Variants in TMEM165 observed in about 807,000 individuals in gnomAD.
TMEM165 encodes putative divalent cation/proton antiporter TMEM165.
A neutral mutation model predicts 30.0 loss-of-function variants in TMEM165; 19 were observed. That is an observed-to-expected ratio of 0.63 (90% confidence interval 0.44 to 0.93). The LOEUF (loss-of-function observed/expected upper bound fraction) is 0.93, where lower values mean the gene tolerates loss of function less well. TMEM165 is among the 40% of genes least tolerant of loss of function. The probability of loss-of-function intolerance (pLI) is 0.00; values close to 1 mark genes in which losing one functional copy is unlikely to be tolerated. For synonymous variants in TMEM165, 168 were observed against 162.9 expected (o/e 1.03, Z -0.24); for missense variants, 340 against 417.0 (o/e 0.82, Z 1.61).
chr4:55,448,799 T>C (rs747152852), intron 3 of TMEM165: 20 of 1,613,816 alleles, frequency 1.2e-5, no homozygotes, highest in African/African-American at 2.7e-5. Flanking sequence ...CCTTGTGGAA[T>C]TGGTAAATTT....
rs924305792 is a variant in TMEM165 at position 55,411,859 on chromosome 4, T to G, written c.433+20T>G. ...TGTCAGGTGAGTGTGCTTTTCCCTCTCATGAGTTCGCTGAATTAAAGGGAA... is the reference window on the plus strand; with the variant it reads ...TGTCAGGTGAGTGTGCTTTTCCCTCGCATGAGTTCGCTGAATTAAAGGGAA... On this transcript the variant is annotated intron_variant, in intron 2 of 5. Coordinates refer to ENST00000381334, the MANE Select transcript of TMEM165 (RefSeq NM_018475.5). 3.0e-5 allele frequency: 49 copies of G among 1,609,816 alleles called. No individual in the cohort carries two copies. Among genetic ancestry groups the G allele is most frequent in the Non-Finnish European group, 4.0e-5 (47 of 1,176,274 alleles).
At chr4:55,401,962 C>T (rs1406235357) in intron 1 of TMEM165, among the ~76,000 whole-genome samples, 1 of 149,138 alleles carries the variant, frequency 6.7e-6, no homozygotes, top group Admixed American at 6.6e-5. Context: ...ACTGAAAATA[C>T]AAAAAATTAG....
intron 1 of TMEM165, among the ~76,000 whole-genome samples, chr4:55,400,328 T>C (rs1720934487): frequency 1.3e-5 from 1 of 77,656 alleles, no homozygotes; most frequent in African/African-American, 4.6e-5. Flanking sequence ...CTGTATTATA[T>C]ATAATATAAT....
intron 3 of TMEM165, among the ~76,000 whole-genome samples, chr4:55,436,761 G>C (rs1030952505): frequency 5.9e-5 from 9 of 152,130 alleles, no homozygotes; most frequent in African/African-American, 2.2e-4. Flanking sequence ...ATTACAACAG[G>C]AGCATGTTTT....
At chr4:55,408,765 A>C (rs1338538246) in intron 1 of TMEM165, among the ~76,000 whole-genome samples, 3 of 152,136 alleles carry the variant, frequency 2.0e-5, no homozygotes, top group Non-Finnish European at 4.4e-5. Context: ...TAAAAAGTAA[A>C]CATTTTGTGT....
Position 55,425,509 on chromosome 4 carries a change from A to ATAGTGTAC in TMEM165, c.*58_*65dup. Reference sequence around the variant, plus strand: ...AATAGGTAGTATTATCTTTCTGTACATAGTGTACATTACAACTAAAAGTGA... The same window carrying ATAGTGTAC: ...AATAGGTAGTATTATCTTTCTGTACATAGTGTACTAGTGTACATTACAACTAAAAGTGA... On this transcript the variant is annotated 3_prime_UTR_variant, in exon 6 of 6. Coordinates refer to ENST00000381334, the MANE Select transcript of TMEM165 (RefSeq NM_018475.5). 1.5e-6 allele frequency: 2 copies of ATAGTGTAC among 1,335,598 alleles called. No homozygotes were observed. The highest frequency in any genetic ancestry group is 2.1e-6 in the Non-Finnish European group (2 of 933,144). The allele number at this position is 1,335,598 out of a possible 1,614,324, so 82.7% of individuals were successfully genotyped here. A position where few individuals can be genotyped will look rare whatever the true frequency, so the allele number is the denominator to read the frequency against.
At chr4:55,440,708 T>C (rs1723299148) in intron 3 of TMEM165, among the ~76,000 whole-genome samples, 1 of 152,246 alleles carries the variant, frequency 6.6e-6, no homozygotes, top group Non-Finnish European at 1.5e-5. Flanking sequence ...CTTAAATTAA[T>C]ACCTGAATTA....
At chr4:55,443,566 T>C in intron 3 of TMEM165, 1 of 802,702 alleles carries the variant, frequency 1.2e-6, no homozygotes, top group Non-Finnish European at 2.1e-6. Context: ...AATACTATAC[T>C]TTCTAAATAC....
intron 3 of TMEM165, chr4:55,438,440 C>T (rs769962262): frequency 1.2e-6 from 2 of 1,613,846 alleles, no homozygotes; most frequent in South Asian, 2.2e-5. Context: ...TATGCAGTCA[C>T]CACCTGGCCC....
intron 3 of TMEM165, among the ~76,000 whole-genome samples, chr4:55,440,770 C>T (rs911546038): frequency 2.6e-5 from 4 of 152,122 alleles, no homozygotes; most frequent in Admixed American, 6.5e-5. Context: ...AATCTGCTTT[C>T]GTGTAACTCA....
Position 55,396,171 on chromosome 4 carries a change from G to C in TMEM165, c.-19G>C. The C allele has an allele frequency of 7.4e-7, 1 of 1,352,546 alleles. No homozygotes were observed. The highest frequency in any genetic ancestry group is 9.4e-7 in the Non-Finnish European group (1 of 1,065,008). The allele number at this position is 1,352,546 out of a possible 1,614,324, so 83.8% of individuals were successfully genotyped here. A position where few individuals can be genotyped will look rare whatever the true frequency, so the allele number is the denominator to read the frequency against. ...ACTTCCTCTTGCGGCGCCCGTGCGC[G>C]GCCGGCCCGGCAGGCGGGATGGCGG... On this transcript the variant is annotated 5_prime_UTR_variant, in exon 1 of 6. Coordinates refer to ENST00000381334, the MANE Select transcript of TMEM165 (RefSeq NM_018475.5).
chr4:55,447,366 A>AAC (rs1723948613), intron 3 of TMEM165, among the ~76,000 whole-genome samples: 1 of 152,216 alleles, frequency 6.6e-6, no homozygotes, highest in East Asian at 1.9e-4. Flanking sequence ...GTCGTCTCAA[A>AAC]AAAAAATTAA....
intron 1 of TMEM165, among the ~76,000 whole-genome samples, chr4:55,408,414 A>G (rs925153909): frequency 7.2e-5 from 11 of 152,226 alleles, no homozygotes; most frequent in African/African-American, 2.7e-4. Context: ...CTATACACCT[A>G]GGCTAAATGG....
chr4:55,408,953 A>G (rs1198034739), intron 1 of TMEM165, among the ~76,000 whole-genome samples: 4 of 150,002 alleles, frequency 2.7e-5, no homozygotes, highest in Admixed American at 2.0e-4. Flanking sequence ...AGGATTCTTA[A>G]TATTGGAAGA....
At chr4:55,411,871 T>C (rs781578326) in intron 2 of TMEM165, 32 bp downstream of exon 2, 20 of 1,598,530 alleles carry the variant, frequency 1.3e-5, no homozygotes, top group Non-Finnish European at 1.7e-5. Flanking sequence ...ATGAGTTCGC[T>C]GAATTAAAGG....
At chr4:55,438,190 T>C (rs1723042429) in intron 3 of TMEM165, 1 of 1,473,038 alleles carries the variant, frequency 6.8e-7, no homozygotes, top group African/African-American at 1.4e-5. Context: ...TTGTGAATTT[T>C]TCACATCACT....
chr4:55,453,083 C>T lies in TMEM165; in HGVS notation c.*777C>T, dbSNP rs200583019. 5.6e-6 allele frequency: 9 copies of T among 1,612,316 alleles called. No homozygotes were observed. In the Admixed American group the frequency reaches 1.5e-4, roughly 27 times the overall value. ...TCAGCAGCTGTCTCAGGAAGAGACT[C>T]TTCAATGCCAAGTTCTCGTCGTCTT... On this transcript the variant is annotated 3_prime_UTR_variant, in exon 4 of 4. Transcript: ENST00000608091.
At chr4:55,452,351 G>A (rs914181696) in exon 4 of TMEM165, 2 of 152,236 alleles carry the variant, frequency 1.3e-5, no homozygotes, top group Non-Finnish European at 2.9e-5. Flanking sequence ...CAGTCCAACT[G>A]CCCATGAGGA....
At chr4:55,442,581 C>G in intron 3 of TMEM165, 7 of 1,612,256 alleles carry the variant, frequency 4.3e-6, no homozygotes, top group Non-Finnish European at 5.1e-6. Context: ...TGCTCTGTGT[C>G]TGACTGGGTA....
Sources: gnomAD v4.1 joint callset for allele counts (sites outside exome capture counted in the v4.1 genomes callset) on GRCh38, gnomAD v4.1.1 for gene constraint, MANE v1.5 for transcripts, NCBI Gene and HGNC (gene_info 2026-07-23, HGNC 2026-07-21) for gene names.